Variants in MKKS observed in about 807,000 individuals in gnomAD.
MKKS encodes the protein molecular chaperone MKKS.
In MKKS, 29 loss-of-function variants were observed where a neutral mutation model predicts 33.2. The observed-to-expected ratio is 0.87, with a 90% confidence interval of 0.65 to 1.19. The LOEUF (loss-of-function observed/expected upper bound fraction) is 1.19. MKKS is among the 50% of genes most tolerant of loss of function. MKKS has a pLI of 0.00. For missense variants in MKKS, 661 were observed against 662.3 expected (o/e 1.00, Z 0.02); for synonymous variants, 260 against 244.0 (o/e 1.07, Z -0.61).
intron 1 of MKKS, among the ~76,000 whole-genome samples, chr20:10,422,416 A>C (rs1307446449): frequency 1.3e-5 from 2 of 152,184 alleles, no homozygotes; most frequent in South Asian, 4.1e-4. Context: ...ATCATAATTA[A>C]ATTTCATTGT....
At chr20:10,430,788 C>T (rs1347843143) in intron 1 of MKKS, among the ~76,000 whole-genome samples, 2 of 152,166 alleles carry the variant, frequency 1.3e-5, no homozygotes, top group South Asian at 2.1e-4. Flanking sequence ...GAAGCAAAGA[C>T]GGTGAAAAAT....
intron 2 of MKKS, among the ~76,000 whole-genome samples, chr20:10,419,241 T>C (rs1600853823): frequency 6.6e-6 from 1 of 152,268 alleles, no homozygotes; most frequent in East Asian, 1.9e-4. Flanking sequence ...TAAATTATAA[T>C]AGAAAATGCT....
At chr20:10,405,720 C>T in intron 5 of MKKS, 33 bp from the exon 6 acceptor site, 1 of 1,512,896 alleles carries the variant, frequency 6.6e-7, no homozygotes, top group Non-Finnish European at 9.2e-7. Context: ...AAAACACATA[C>T]AAAGCAATTA....
At position 10,402,151 on chromosome 20, in the gene MKKS, C is replaced by T. The variant is rs1029512104; in HGVS notation, c.*3096G>A. 6.6e-6 allele frequency: 1 copy of T among 152,256 alleles called. No individual in the cohort carries two copies. The highest frequency in any genetic ancestry group is 1.5e-5 in the Non-Finnish European group (1 of 68,058). The allele number at this position is 152,256 out of a possible 1,614,324, so 9.4% of individuals were successfully genotyped here. A position where few individuals can be genotyped will look rare whatever the true frequency, so the allele number is the denominator to read the frequency against. Reference sequence around the variant, plus strand: ...CACCGACTTCATTTTCTTCTTCACACTCTCCCTTTCCTTTTCCACAGCGAT... The same window carrying T: ...CACCGACTTCATTTTCTTCTTCACATTCTCCCTTTCCTTTTCCACAGCGAT... On this transcript the variant is annotated 3_prime_UTR_variant, in exon 6 of 6. Coordinates refer to ENST00000347364, the MANE Select transcript of MKKS (RefSeq NM_170784.3).
chr20:10,432,892 T>C (rs2065064311), intron 1 of MKKS, among the ~76,000 whole-genome samples: 1 of 151,126 alleles, frequency 6.6e-6, no homozygotes, highest in South Asian at 2.1e-4. Flanking sequence ...TAATACCTAA[T>C]ACAACGTTAA....
chr20:10,405,513 C>G lies in MKKS; in HGVS notation c.1447G>C (p.Asp483His). The G allele has an allele frequency of 6.2e-7, 1 of 1,614,218 alleles. No homozygotes were observed. The highest frequency in any genetic ancestry group is 8.5e-7 in the Non-Finnish European group (1 of 1,180,048). ...GGCCAGTTAGCAACACAGGGAGAAT[C>G]TGCCTGAACTGACCAAAGGTGTCCA... is the stretch of plus-strand genomic sequence containing the variant. ...KYGHLWSVQA[D>H]SPCVANWPDL... Residue 483 changes from aspartate to histidine, a missense_variant, in exon 6 of 6, where the codon GAT becomes CAT. Transcript: ENST00000347364.
At chr20:10,429,875 C>T (rs2122284304) in intron 1 of MKKS, among the ~76,000 whole-genome samples, 1 of 152,288 alleles carries the variant, frequency 6.6e-6, no homozygotes, top group African/African-American at 2.4e-5. Flanking sequence ...AGCTGCCCCT[C>T]CTGACCTACT....
At position 10,407,599 on chromosome 20, in the gene MKKS, A is replaced by AGGATTATCTT; in HGVS notation, c.1272+7_1272+16dup. ...TGCTGAGAATTCAGGTAATCCGAAG[A>AGGATTATCTT]GGATTATCTTACATACCTTGTGTCT... On this transcript the variant is annotated intron_variant, in intron 5 of 5. Coordinates refer to ENST00000347364, the MANE Select transcript of MKKS (RefSeq NM_170784.3). 2.5e-6 allele frequency: 4 copies of AGGATTATCTT among 1,591,476 alleles called. No individual in the cohort carries two copies. The highest frequency in any genetic ancestry group is 3.4e-6 in the Non-Finnish European group (4 of 1,159,756).
intron 1 of MKKS, among the ~76,000 whole-genome samples, chr20:10,422,089 C>A (rs2064984471): frequency 6.6e-6 from 1 of 152,130 alleles, no homozygotes. Flanking sequence ...GTTAAATAGT[C>A]TGAACCATCT....
Position 10,405,418 on chromosome 20 carries a change from T to A in MKKS, c.1542A>T (p.Arg514Ser). Residue 514 changes from arginine (R) to serine (S), a missense_variant, in exon 6 of 6, where the codon AGA becomes AGT. Transcript: ENST00000347364. ...SQEELNWSFL[R>S]STRRPFVPQS... is the part of the protein sequence containing the mutation. Reference sequence around the variant, plus strand: ...GTGGCACAAATGGACGACGTGTGCTTCTTAAGAAAGACCAGTTGAGTTCTT... The same window carrying A: ...GTGGCACAAATGGACGACGTGTGCTACTTAAGAAAGACCAGTTGAGTTCTT... 1 of 1,614,202 alleles carries A rather than the reference T, an allele frequency of 6.2e-7. No homozygotes were observed. The highest frequency in any genetic ancestry group is 8.5e-7 in the Non-Finnish European group (1 of 1,180,032).
chr20:10,433,486 A>G (rs2065070367), intron 1 of MKKS, among the ~76,000 whole-genome samples: 1 of 152,236 alleles, frequency 6.6e-6, no homozygotes, highest in African/African-American at 2.4e-5. Flanking sequence ...GTTTATGGAT[A>G]AACTGAAGAT....
intron 1 of MKKS, among the ~76,000 whole-genome samples, chr20:10,427,847 C>G (rs1222280298): frequency 6.6e-6 from 1 of 152,176 alleles, no homozygotes; most frequent in Non-Finnish European, 1.5e-5. Flanking sequence ...TCTAAAGTTT[C>G]CATTCTGCAA....
intron 1 of MKKS, among the ~76,000 whole-genome samples, chr20:10,429,771 C>A (rs2065041492): frequency 6.6e-6 from 1 of 152,170 alleles, no homozygotes; most frequent in Admixed American, 6.5e-5. Flanking sequence ...CCTCACATGA[C>A]CTCCTTGCTT....
chr20:10,417,325 C>CA (rs1202732576), intron 2 of MKKS, among the ~76,000 whole-genome samples: 1 of 151,842 alleles, frequency 6.6e-6, no homozygotes, highest in Non-Finnish European at 1.5e-5. Context: ...ATCTTAGCAA[C>CA]ACTGGCTAGA....
chr20:10,420,364 C>T (rs540366200), intron 2 of MKKS, among the ~76,000 whole-genome samples, 164 bp downstream of exon 2: 16 of 152,288 alleles, frequency 1.1e-4, no homozygotes, highest in Non-Finnish European at 2.2e-4. Context: ...GCACAACGAA[C>T]TTTTCTAGAA....
chr20:10,408,576 G>T, intron 4 of MKKS, 52 bp downstream of exon 4: 1 of 1,568,620 alleles, frequency 6.4e-7, no homozygotes, highest in South Asian at 1.1e-5. Context: ...ACTATTGAGT[G>T]ACTAATTCCT....
At chr20:10,427,081 A>ACAC (rs1289564841) in intron 1 of MKKS, among the ~76,000 whole-genome samples, 1 of 85,700 alleles carries the variant, frequency 1.2e-5, no homozygotes, top group East Asian at 3.4e-4. Flanking sequence ...CACACACACA[A>ACAC]AGTAAGGTTA....
intron 2 of MKKS, among the ~76,000 whole-genome samples, 168 bp downstream of exon 2, chr20:10,420,360 C>T (rs774721993): frequency 1.8e-4 from 28 of 152,276 alleles, no homozygotes; most frequent in East Asian, 9.6e-4. Context: ...CTCTGCACAA[C>T]GAACTTTTCT....
In MKKS at chr20:10,413,134, GC is replaced by G. The variant is rs867346158; in HGVS notation, c.380del (p.Cys127SerfsTer32). 8 of 1,613,944 alleles carry G rather than the reference GC, an allele frequency of 5.0e-6. No individual in the cohort carries two copies. The highest frequency in any genetic ancestry group is 6.8e-6 in the Non-Finnish European group (8 of 1,180,048). ...IRLNKHLLSL[C>X]ISYLKSETCG... ...AGGTCTCAGACTTGAGATAACTGAT[GC>G]AAAGACTCAAAAGATGTTTATTTAA... On this transcript the variant is annotated frameshift_variant, in exon 3 of 6. Transcript: ENST00000347364. LOFTEE classifies it high-confidence loss of function.
Sources: gnomAD v4.1 joint callset for allele counts (sites outside exome capture counted in the v4.1 genomes callset) on GRCh38, gnomAD v4.1.1 for gene constraint, MANE v1.5 for transcripts, NCBI Gene and HGNC (gene_info 2026-07-23, HGNC 2026-07-21) for gene names.